CELF4: variants seen among roughly 807,000 people sequenced by gnomAD.
The protein encoded by CELF4 is CUG-BP- and ETR-3-like factor 4.
CELF4 carries 18 observed loss-of-function variants against 59.9 expected under a neutral mutation model. The ratio of observed to expected loss-of-function variants is 0.30; its 90% CI spans 0.21 to 0.45. The LOEUF is 0.45. Among genes scored for constraint, CELF4 ranks in the 20% least tolerant of loss-of-function variants. The pLI, the probability that CELF4 is intolerant of heterozygous loss-of-function variation, is 1.00. For synonymous variants in CELF4, 261 were observed against 267.1 expected, an observed-to-expected ratio of 0.98 and a Z score of 0.22; for missense variants, 456 against 689.0, an observed-to-expected ratio of 0.66 and a Z score of 3.79.
intron 2 of CELF4, among the ~76,000 whole-genome samples, chr18:37,460,787 C>T (rs900353945): frequency 1.4e-4 from 22 of 152,220 alleles, no homozygotes; most frequent in Admixed American, 5.9e-4. Context: ...GAAGTCTGGT[C>T]ACTGTGGCTC....
intron 10 of CELF4, among the ~76,000 whole-genome samples, chr18:37,261,559 C>T (rs1488518023): frequency 7.2e-5 from 11 of 152,346 alleles, no homozygotes; most frequent in Admixed American, 2.6e-4. Flanking sequence ...CTCCAGCTAC[C>T]GCCAAGCCCT....
intron 2 of CELF4, among the ~76,000 whole-genome samples, chr18:37,456,916 G>C (rs986805796): frequency 1.1e-4 from 17 of 152,178 alleles, no homozygotes; most frequent in Non-Finnish European, 4.4e-5. Context: ...TAGAGATTCA[G>C]CCTTCATTCC....
chr18:37,491,313 C>T (rs1336061529), intron 1 of CELF4, among the ~76,000 whole-genome samples: 1 of 152,196 alleles, frequency 6.6e-6, no homozygotes, highest in Admixed American at 6.5e-5. Flanking sequence ...AGAGACCTGC[C>T]TGTCCTCTAA....
intron 2 of CELF4, among the ~76,000 whole-genome samples, chr18:37,342,271 G>C (rs1013731873): frequency 2.7e-5 from 4 of 147,268 alleles, no homozygotes; most frequent in African/African-American, 1.0e-4. Flanking sequence ...ACACACGCTG[G>C]GCACATGGCA....
At chr18:37,260,055 G>A (rs917159023) in intron 10 of CELF4, among the ~76,000 whole-genome samples, 2 of 152,156 alleles carry the variant, frequency 1.3e-5, no homozygotes, top group African/African-American at 2.4e-5. Context: ...AATCCTTACA[G>A]CAACCCTGTG....
At chr18:37,544,369 C>G (rs138048675) in intron 1 of CELF4, among the ~76,000 whole-genome samples, 11 of 152,154 alleles carry the variant, frequency 7.2e-5, no homozygotes, top group Admixed American at 1.3e-4. Flanking sequence ...AGCGGAGCTG[C>G]GGGGCTGGAC....
chr18:37,553,333 A>G (rs1319376107), intron 1 of CELF4, among the ~76,000 whole-genome samples: 1 of 152,080 alleles, frequency 6.6e-6, no homozygotes, highest in Admixed American at 6.5e-5. Flanking sequence ...CCAATTGATC[A>G]CTAATCTGTG....
chr18:37,301,039 A>C (rs2095996981), intron 3 of CELF4, among the ~76,000 whole-genome samples: 1 of 152,212 alleles, frequency 6.6e-6, no homozygotes, highest in Non-Finnish European at 1.5e-5. Context: ...GCCACTGTGT[A>C]GAGAATGCAG....
intron 3 of CELF4, among the ~76,000 whole-genome samples, chr18:37,302,431 C>T (rs367722599): frequency 7.9e-5 from 12 of 152,332 alleles, no homozygotes; most frequent in Admixed American, 2.6e-4. Flanking sequence ...TGGGAATTAT[C>T]GCCCCCAACA....
intron 3 of CELF4, among the ~76,000 whole-genome samples, chr18:37,314,744 G>T (rs2096802870): frequency 6.6e-6 from 1 of 152,084 alleles, no homozygotes; most frequent in South Asian, 2.1e-4. Context: ...GGAACAACAG[G>T]ACATTCTCAC....
At chr18:37,370,511 C>T (rs2098846484) in intron 2 of CELF4, among the ~76,000 whole-genome samples, 1 of 152,182 alleles carries the variant, frequency 6.6e-6, no homozygotes, top group Non-Finnish European at 1.5e-5. Flanking sequence ...ACAACAGTCC[C>T]ACTTAGTGAC....
intron 1 of CELF4, among the ~76,000 whole-genome samples, chr18:37,504,397 T>C (rs1479041018): frequency 7.1e-6 from 1 of 139,896 alleles, no homozygotes; most frequent in Non-Finnish European, 1.5e-5. Context: ...GAGGTTGCAG[T>C]GAGCCGAGAT....
At chr18:37,252,355 C>G (rs1352233901) in intron 12 of CELF4, among the ~76,000 whole-genome samples, 1 of 152,056 alleles carries the variant, frequency 6.6e-6, no homozygotes, top group Non-Finnish European at 1.5e-5. Context: ...TGCAGTAGAC[C>G]TATGCTTTGG....
intron 9 of CELF4, among the ~76,000 whole-genome samples, chr18:37,265,108 TGTGG>T (rs1048504371): frequency 4.0e-5 from 6 of 151,244 alleles, no homozygotes; most frequent in African/African-American, 1.5e-4. Context: ...CATGCAAGTG[TGTGG>T]GTGTGTGTGT....
At chr18:37,385,221 G>A (rs1201316075) in intron 2 of CELF4, among the ~76,000 whole-genome samples, 1 of 151,996 alleles carries the variant, frequency 6.6e-6, no homozygotes, top group African/African-American at 2.4e-5. Flanking sequence ...GGTGGCATGT[G>A]CCTGTAATCC....
intron 2 of CELF4, among the ~76,000 whole-genome samples, chr18:37,346,560 G>C (rs958770730): frequency 1.3e-5 from 2 of 152,220 alleles, no homozygotes; most frequent in East Asian, 1.9e-4. Context: ...CAGGAGGTGG[G>C]GGGCAGGTAC....
intron 2 of CELF4, among the ~76,000 whole-genome samples, chr18:37,417,629 TC>T (rs1209142033): frequency 1.3e-5 from 2 of 152,180 alleles, no homozygotes; most frequent in Non-Finnish European, 2.9e-5. Context: ...CCACCAGCTC[TC>T]CCAGGAAAAG....
intron 2 of CELF4, among the ~76,000 whole-genome samples, chr18:37,385,270 G>A (rs895887636): frequency 2.2e-4 from 32 of 146,536 alleles, no homozygotes; most frequent in African/African-American, 6.1e-4. Flanking sequence ...ATCTCGAATC[G>A]CTTGAACTCG....
At chr18:37,482,202 C>A (rs2099869715) in intron 2 of CELF4, among the ~76,000 whole-genome samples, 1 of 152,166 alleles carries the variant, frequency 6.6e-6, no homozygotes, top group Non-Finnish European at 1.5e-5. Flanking sequence ...TACAGAACGT[C>A]TGGCACACAG....
Sources: gnomAD v4.1 joint callset for allele counts (sites outside exome capture counted in the v4.1 genomes callset) on GRCh38, gnomAD v4.1.1 for gene constraint, MANE v1.5 for transcripts, NCBI Gene and HGNC (gene_info 2026-07-23, HGNC 2026-07-21) for gene names.